Variants in DMD observed in about 807,000 individuals in gnomAD.
DMD encodes dystrophin.
DMD carries 63 observed loss-of-function variants against 330.1 expected under a neutral mutation model. That is an observed-to-expected ratio of 0.19 (90% CI 0.16 to 0.24). DMD has a LOEUF of 0.24. DMD is among the 10% of genes least tolerant of loss of function. DMD has a pLI of 1.00. For synonymous variants in DMD, 1,223 were observed against 959.8 expected, an observed-to-expected ratio of 1.27 and a Z score of -5.07; for missense variants, 3,344 against 2,684.1, an observed-to-expected ratio of 1.25 and a Z score of -5.43.
At chrX:32,899,059 A>T (rs1040630960) in intron 2 of DMD, among the ~76,000 whole-genome samples, 3 of 112,092 alleles carry the variant, frequency 2.7e-5, no homozygotes, top group African/African-American at 9.7e-5. Context: ...ACAACTCCAG[A>T]TTCTTAAGTT....
At chrX:33,136,333 C>T (rs1475974881) in intron 1 of DMD, among the ~76,000 whole-genome samples, 1 of 76,835 alleles carries the variant, frequency 1.3e-5, no homozygotes, top group Non-Finnish European at 2.5e-5. Context: ...TTAAAATATG[C>T]AAAATATTTA....
At chrX:32,524,770 A>AT (rs1228869782) in intron 17 of DMD, among the ~76,000 whole-genome samples, 1 of 112,179 alleles carries the variant, frequency 8.9e-6, no homozygotes, top group African/African-American at 3.2e-5. Context: ...TCCTCATTCA[A>AT]TTTTTTGTCT....
chrX:31,210,025 T>C (rs990792527), intron 64 of DMD, among the ~76,000 whole-genome samples: 2 of 111,072 alleles, frequency 1.8e-5, no homozygotes, highest in Admixed American at 9.6e-5. Flanking sequence ...ACAGAGTCAA[T>C]TGTCACCTGA....
chrX:31,767,031 T>G (rs2090045879), intron 51 of DMD, among the ~76,000 whole-genome samples: 1 of 111,108 alleles, frequency 9.0e-6, no homozygotes, highest in Non-Finnish European at 1.9e-5. Context: ...GTGGATTTGG[T>G]CTCATTAGGT....
chrX:31,875,153 A>G, intron 48 of DMD, 35 bp downstream of exon 48: 1 of 1,149,329 alleles, frequency 8.7e-7, no homozygotes, highest in Non-Finnish European at 1.2e-6. Flanking sequence ...TTTTCTTAAA[A>G]AAGACAAAAA....
chrX:31,257,060 A>G (rs2050032119), intron 63 of DMD, among the ~76,000 whole-genome samples: 1 of 108,281 alleles, frequency 9.2e-6, no homozygotes, highest in African/African-American at 3.4e-5. Context: ...TCACCTTCTA[A>G]TCCTATTGTG....
intron 41 of DMD, among the ~76,000 whole-genome samples, chrX:32,321,935 G>A (rs1282790356): frequency 2.7e-5 from 3 of 111,163 alleles, no homozygotes; most frequent in African/African-American, 9.8e-5. Context: ...TAACATTAGA[G>A]CACAGAAAGC....
rs1556626056 is a variant in DMD at position 31,412,206 on chromosome X, A to AAG, written c.9084+32273_9084+32274dup. Reference sequence around the variant, plus strand: ...TGTCTCAAAAAAAAAAAAAAAAAAAAAGAGAGAGAGAGAGTTGATAGGATC... The same window carrying AAG: ...TGTCTCAAAAAAAAAAAAAAAAAAAAAGAGAGAGAGAGAGAGTTGATAGGATC... On this transcript the variant is annotated intron_variant, in intron 60 of 78. Transcript: ENST00000357033. Among the ~76,000 whole-genome samples the AAG allele has an allele frequency of 4.8e-3, 454 of 94,148 alleles. 7 individuals carry two copies. The highest frequency in any genetic ancestry group is 0.019 in the East Asian group (39 of 2,072). 81.8% of individuals were successfully genotyped at this position (94,148 alleles called of 115,157 possible). A position where few individuals can be genotyped will look rare whatever the true frequency, so the allele number is the denominator to read the frequency against.
intron 11 of DMD, among the ~76,000 whole-genome samples, chrX:32,618,018 G>C (rs1413764648): frequency 9.0e-6 from 1 of 111,545 alleles, no homozygotes; most frequent in East Asian, 2.8e-4. Context: ...ACCACAATGA[G>C]GTATCAGCTT....
intron 50 of DMD, among the ~76,000 whole-genome samples, chrX:31,776,606 A>AGGAAGGAG (rs2090677307): frequency 1.5e-5 from 1 of 66,664 alleles, no homozygotes; most frequent in African/African-American, 5.9e-5. Context: ...GGAGGGAGGG[A>AGGAAGGAG]GGAAGGAGGG....
chrX:32,318,414 A>G (rs755745238), intron 41 of DMD, among the ~76,000 whole-genome samples: 1 of 111,793 alleles, frequency 8.9e-6, no homozygotes, highest in South Asian at 3.7e-4. Flanking sequence ...TGTTTTGGAT[A>G]CATATAATGG....
chrX:32,022,825 C>CTTTTTT (rs753993138), intron 44 of DMD, among the ~76,000 whole-genome samples: 4 of 90,396 alleles, frequency 4.4e-5, no homozygotes, highest in African/African-American at 1.3e-4. Context: ...GTATAATCCT[C>CTTTTTT]TTTTTTTTTT....
In DMD at chrX:31,242,262, C is replaced by CAAAAAAAAAAAAAAA. The variant is rs72176984; in HGVS notation, c.9286+18678_9286+18692dup. Among the ~76,000 whole-genome samples, 12 of 24,649 alleles carry CAAAAAAAAAAAAAAA rather than the reference C, an allele frequency of 4.9e-4. 1 individual carries two copies. Among genetic ancestry groups the CAAAAAAAAAAAAAAA allele is most frequent in the Non-Finnish European group, 8.5e-4 (11 of 13,011 alleles). The allele number at this position is 24,649 out of a possible 115,157, so 21.4% of individuals were successfully genotyped here. A position where few individuals can be genotyped will look rare whatever the true frequency, so the allele number is the denominator to read the frequency against. ...CAAAGTGAGACCCTGTCTCAAAAAG[C>CAAAAAAAAAAAAAAA]AAAAAAAAAAAAAAAAAAAAAAAAA... is the stretch of plus-strand genomic sequence containing the variant. On this transcript the variant is annotated intron_variant, in intron 63 of 78. Transcript: ENST00000357033.
At chrX:32,228,787 A>G (rs1036322527) in intron 43 of DMD, among the ~76,000 whole-genome samples, 1 of 111,652 alleles carries the variant, frequency 9.0e-6, no homozygotes, top group African/African-American at 3.2e-5. Flanking sequence ...TAGAGGGGAT[A>G]TTTGAAATAA....
chrX:31,479,171 G>T lies in DMD; in HGVS notation c.8548-68C>A, dbSNP rs1026025653. On this transcript the variant is annotated intron_variant, in intron 57 of 78. Coordinates refer to ENST00000357033, the MANE Select transcript of DMD (RefSeq NM_004006.3). The stretch of plus-strand genomic sequence containing the variant: ...ATTCTTCTCAAAATTAATCCTGGGT[G>T]CTCAGAACTTGTTTATGAAACTCCC... 2.4e-5 allele frequency: 27 copies of T among 1,132,066 alleles called. No homozygotes were observed. The African/African-American group carries it at 4.1e-4, about 17-fold the overall frequency. The allele number at this position is 1,132,066 out of a possible 1,213,427, so 93.3% of individuals were successfully genotyped here. A position where few individuals can be genotyped will look rare whatever the true frequency, so the allele number is the denominator to read the frequency against.
chrX:32,364,405 C>G (rs751679458), intron 36 of DMD, among the ~76,000 whole-genome samples, 177 bp downstream of exon 36: 2 of 111,617 alleles, frequency 1.8e-5, no homozygotes, highest in Non-Finnish European at 3.8e-5. Flanking sequence ...GATTACAGAA[C>G]TCTTCAAAAT....
chrX:33,118,478 C>T (rs1020992002), intron 1 of DMD, among the ~76,000 whole-genome samples: 1 of 111,783 alleles, frequency 8.9e-6, no homozygotes, highest in African/African-American at 3.2e-5. Context: ...TTTAATAATC[C>T]TGCCTGCAGT....
At chrX:32,806,502 G>T (rs2076957056) in intron 7 of DMD, among the ~76,000 whole-genome samples, 1 of 110,855 alleles carries the variant, frequency 9.0e-6, no homozygotes, top group Non-Finnish European at 1.9e-5. Context: ...AATAGTGGGA[G>T]ACTTTAACAC....
At chrX:32,300,074 C>T (rs2097515989) in intron 42 of DMD, among the ~76,000 whole-genome samples, 1 of 111,572 alleles carries the variant, frequency 9.0e-6, no homozygotes, top group South Asian at 3.7e-4. Context: ...AAGGATTATT[C>T]CTTAATATTT....
Sources: allele counts gnomAD v4.1 joint callset (sites outside exome capture counted in the v4.1 genomes callset), GRCh38; gene constraint gnomAD v4.1.1; transcripts MANE v1.5; gene names NCBI Gene and HGNC (gene_info 2026-07-23, HGNC 2026-07-21).